NRXN1: variants seen among roughly 807,000 people sequenced by gnomAD.
NRXN1 encodes neurexin 1.
In NRXN1, 39 loss-of-function variants were observed where a neutral mutation model predicts 150.9. That is an observed-to-expected ratio of 0.26 (90% CI 0.20 to 0.34). NRXN1 has a LOEUF of 0.34. NRXN1 is among the 10% of genes least tolerant of loss of function. The pLI is 1.00. For missense variants in NRXN1, 1,815 were observed against 1,949.9 expected (o/e 0.93, Z 1.30); for synonymous variants, 924 against 757.0 (o/e 1.22, Z -3.62).
chr2:50,114,495 T>A (rs771733459), intron 18 of NRXN1, among the ~76,000 whole-genome samples: 4 of 152,194 alleles, frequency 2.6e-5, no homozygotes, highest in African/African-American at 9.6e-5. Flanking sequence ...ATTCAGCAAC[T>A]GAACTCCTTG....
chr2:50,304,515 C>A (rs540395936), intron 17 of NRXN1, among the ~76,000 whole-genome samples: 319 of 152,316 alleles, frequency 2.1e-3, no homozygotes, highest in African/African-American at 7.3e-3. Flanking sequence ...GCCAGCTAAT[C>A]CCTTTTCAGC....
intron 5 of NRXN1, among the ~76,000 whole-genome samples, chr2:50,794,732 C>T (rs1164780224): frequency 6.6e-6 from 1 of 152,118 alleles, no homozygotes; most frequent in Non-Finnish European, 1.5e-5. Flanking sequence ...GCGAATGGAA[C>T]ACTGTCAAAT....
chr2:50,807,451 T>C (rs1301935389), intron 5 of NRXN1, among the ~76,000 whole-genome samples: 2 of 128,828 alleles, frequency 1.6e-5, no homozygotes, highest in Admixed American at 7.8e-5. Context: ...TATAAACCAC[T>C]ATTTAACCTA....
At chr2:49,945,244 T>C (rs559863974) in intron 21 of NRXN1, 1 of 152,246 alleles carries the variant, frequency 6.6e-6, no homozygotes. Context: ...TTGGTTTGCC[T>C]GGAAGTGTAA....
chr2:50,143,537 T>C (rs1415855692), intron 18 of NRXN1, among the ~76,000 whole-genome samples: 2 of 151,996 alleles, frequency 1.3e-5, no homozygotes, highest in African/African-American at 4.8e-5. Context: ...TAGATATCCA[T>C]TTATTACCTA....
At chr2:49,997,863 G>A (rs986413531) in intron 21 of NRXN1, among the ~76,000 whole-genome samples, 2 of 152,078 alleles carry the variant, frequency 1.3e-5, no homozygotes, top group Non-Finnish European at 2.9e-5. Flanking sequence ...GGGTGCAAGG[G>A]AGACTTCACA....
intron 17 of NRXN1, among the ~76,000 whole-genome samples, chr2:50,321,061 G>A (rs1233825510): frequency 6.6e-6 from 1 of 152,144 alleles, no homozygotes; most frequent in South Asian, 2.1e-4. Flanking sequence ...GAAGCAAAGA[G>A]AAAATCATCA....
chr2:50,355,317 C>T (rs377674394), intron 17 of NRXN1, among the ~76,000 whole-genome samples: 71 of 150,168 alleles, frequency 4.7e-4, no homozygotes, highest in African/African-American at 1.7e-3. Flanking sequence ...TTAGGTTACA[C>T]ATTTTGTCAG....
At chr2:50,424,894 T>G (rs2084356994) in intron 17 of NRXN1, among the ~76,000 whole-genome samples, 2 of 152,184 alleles carry the variant, frequency 1.3e-5, no homozygotes, top group African/African-American at 4.8e-5. Flanking sequence ...ATTTTTCTGT[T>G]AAAAAATAAG....
At chr2:50,490,655 G>A (rs940313894) in intron 15 of NRXN1, among the ~76,000 whole-genome samples, 1 of 152,188 alleles carries the variant, frequency 6.6e-6, no homozygotes, top group Non-Finnish European at 1.5e-5. Flanking sequence ...GAAGCCAGCA[G>A]GCAGAGAGGA....
rs117960602 is a variant in NRXN1 at position 50,825,218 on chromosome 2, T to C, written c.832+96651A>G. Among the ~76,000 whole-genome samples the C allele has an allele frequency of 2.7e-3, 417 of 152,290 alleles. 17 individuals are homozygous for C. In the East Asian group the frequency reaches 0.057, roughly 21 times the overall value. ...TGTGATACTGTGATTTAAAATGAGA[T>C]ATATACATTTGGTCTTCACTCCCTT... On this transcript the variant is annotated intron_variant, in intron 5 of 22. Transcript: ENST00000401669.
intron 17 of NRXN1, among the ~76,000 whole-genome samples, chr2:50,261,343 C>G (rs1240019706): frequency 6.6e-6 from 1 of 151,730 alleles, no homozygotes; most frequent in Non-Finnish European, 1.5e-5. Flanking sequence ...CAAGGAAAGC[C>G]TCTAAGGTAC....
chr2:50,130,625 C>G (rs1018877738), intron 18 of NRXN1, among the ~76,000 whole-genome samples: 10 of 152,142 alleles, frequency 6.6e-5, no homozygotes, highest in African/African-American at 2.4e-4. Context: ...AACAAACAAA[C>G]AACATCCCAA....
intron 18 of NRXN1, among the ~76,000 whole-genome samples, chr2:50,151,538 A>G (rs2058697991): frequency 6.6e-6 from 1 of 151,706 alleles, no homozygotes; most frequent in South Asian, 2.1e-4. Context: ...CTAGTTTCTA[A>G]TGTATTTATA....
chr2:50,007,842 CCCA>C (rs1181302211), intron 21 of NRXN1, among the ~76,000 whole-genome samples: 18 of 152,104 alleles, frequency 1.2e-4, no homozygotes, highest in Middle Eastern at 3.4e-3. Context: ...AATTTACACT[CCCA>C]CCAACAGTGT....
chr2:50,512,951 G>A (rs2092507506), intron 12 of NRXN1, among the ~76,000 whole-genome samples: 1 of 152,060 alleles, frequency 6.6e-6, no homozygotes. Context: ...TATTTCAGGG[G>A]AGATCTGCAT....
At chr2:50,227,463 G>T (rs2152866004) in intron 18 of NRXN1, among the ~76,000 whole-genome samples, 1 of 152,040 alleles carries the variant, frequency 6.6e-6, no homozygotes, top group African/African-American at 2.4e-5. Context: ...TGGGTGAAAG[G>T]ACTGATAGAG....
chr2:50,356,346 G>C (rs1207273096), intron 17 of NRXN1, among the ~76,000 whole-genome samples: 1 of 152,112 alleles, frequency 6.6e-6, no homozygotes, highest in Non-Finnish European at 1.5e-5. Context: ...AAGTCTCTTA[G>C]AATATTGATT....
chr2:50,053,705 G>T (rs1693144526), intron 20 of NRXN1, 115 bp from the exon 21 acceptor site: 1 of 1,045,468 alleles, frequency 9.6e-7, no homozygotes, highest in Non-Finnish European at 1.4e-6. Flanking sequence ...AACTATAAGA[G>T]AGGCATTTGA....
Sources: gnomAD v4.1 joint callset for allele counts (sites outside exome capture counted in the v4.1 genomes callset) on GRCh38, gnomAD v4.1.1 for gene constraint, MANE v1.5 for transcripts, NCBI Gene and HGNC (gene_info 2026-07-23, HGNC 2026-07-21) for gene names.